The following NHSL2 variants were observed in gnomAD, a reference collection of about 807,000 sequenced individuals.
NHSL2 encodes the protein NHS like 2.
NHSL2 carries 27 observed loss-of-function variants against 53.4 expected under a neutral mutation model. That is an observed-to-expected ratio of 0.51 (90% confidence interval 0.37 to 0.70). The LOEUF (loss-of-function observed/expected upper bound fraction) is 0.70. Among genes scored for constraint, NHSL2 ranks in the 30% least tolerant of loss-of-function variants. NHSL2 has a pLI of 0.00. For missense variants in NHSL2, 892 were observed against 980.1 expected (o/e 0.91, Z 1.20); for synonymous variants, 408 against 404.1 (o/e 1.01, Z -0.12).
Position 72,132,193 on chromosome X carries a change from T to C in NHSL2, c.395T>C (p.Leu132Pro). ...SSGRPPSVEELLREAQLNLQS... is the reference protein window; with the variant it reads ...SSGRPPSVEEPLREAQLNLQS... ...GGCAGGCCCCCGAGTGTAGAGGAGC[T>C]GCTTCGGGAGGCGCAGCTCAATCTC... The change falls in exon 2 of 8, where the codon CTG (leucine) becomes CCG (proline). Residue 132 changes from leucine to proline, a missense_variant. Coordinates refer to ENST00000633930, the MANE Select transcript of NHSL2 (RefSeq NM_001013627.3). The C allele has an allele frequency of 1.7e-6, 2 of 1,165,745 alleles. No individual in the cohort carries two copies.
rs1556312494 is a variant in NHSL2 at position 71,964,067 on chromosome X, A to ATAT, written c.280+52713_280+52715dup. Among the ~76,000 whole-genome samples, 5 of 88,555 alleles carry ATAT rather than the reference A, an allele frequency of 5.6e-5. No homozygotes were observed. In the South Asian group the frequency reaches 2.7e-3, roughly 47 times the overall value. 76.9% of individuals were successfully genotyped at this position (88,555 alleles called of 115,157 possible). On this transcript the variant is annotated intron_variant, in intron 1 of 7. Transcript: ENST00000633930. ...TGTATATATATATATGTGTATATATATATTATTATTATTATACTTTAAGTT... is the reference window on the plus strand; with the variant it reads ...TGTATATATATATATGTGTATATATATATTATTATTATTATTATACTTTAAGTT...
In NHSL2 at chrX:71,971,263, C is replaced by T. The variant is rs757839722; in HGVS notation, c.280+59896C>T. Among the ~76,000 whole-genome samples, 16 of 111,745 alleles carry T rather than the reference C, an allele frequency of 1.4e-4. No homozygotes were observed. The South Asian group carries it at 4.4e-3, about 31-fold the overall frequency. On this transcript the variant is annotated intron_variant, in intron 1 of 7. Transcript: ENST00000633930. ...ACTTCAGATTTGTAGTAAGTTAATT[C>T]CAGTGAGACACAGAAACTTTATTTT...
intron 1 of NHSL2, among the ~76,000 whole-genome samples, chrX:71,972,234 C>T (rs993014937): frequency 9.0e-6 from 1 of 111,155 alleles, no homozygotes; most frequent in African/African-American, 3.3e-5. Flanking sequence ...GGGGTTTCAC[C>T]ATGTTGGCCA....
chrX:72,048,217 C>A (rs1189960049), intron 1 of NHSL2, among the ~76,000 whole-genome samples: 1 of 110,976 alleles, frequency 9.0e-6, no homozygotes, highest in Non-Finnish European at 1.9e-5. Flanking sequence ...ATACTATTTT[C>A]TCCCCCTAAT....
Position 72,016,648 on chromosome X carries a change from A to G in NHSL2, c.280+105281A>G, listed in dbSNP as rs376414621. ...GATGTTCAGGGGTCAAAGAACCCAC[A>G]TAACCCATCCCCAACACACACACAC... On this transcript the variant is annotated intron_variant, in intron 1 of 7. Transcript: ENST00000633930. Among the ~76,000 whole-genome samples, 37 of 110,867 alleles carry G rather than the reference A, an allele frequency of 3.3e-4. No individual in the cohort carries two copies. In the East Asian group the frequency reaches 4.8e-3, roughly 14 times the overall value.
intron 1 of NHSL2, among the ~76,000 whole-genome samples, chrX:71,976,982 A>T (rs1246971398): frequency 8.9e-6 from 1 of 112,553 alleles, no homozygotes; most frequent in East Asian, 2.8e-4. Context: ...TGAAGTCAGC[A>T]CAAGGGACTT....
intron 1 of NHSL2, among the ~76,000 whole-genome samples, chrX:71,999,135 C>T (rs779030860): frequency 8.9e-6 from 1 of 111,846 alleles, no homozygotes; most frequent in South Asian, 3.7e-4. Context: ...TTGACTTCCT[C>T]AGCCAGAATT....
intron 1 of NHSL2, 107 bp from the exon 2 acceptor site, chrX:72,131,972 C>T (rs973097745): frequency 7.7e-6 from 6 of 777,682 alleles, no homozygotes; most frequent in African/African-American, 4.2e-5. Flanking sequence ...GCACTCCCCC[C>T]ACCCCACGCA....
chrX:71,933,877 G>A (rs985507781), intron 1 of NHSL2, among the ~76,000 whole-genome samples: 8 of 111,275 alleles, frequency 7.2e-5, no homozygotes, highest in South Asian at 3.8e-4. Context: ...GAAATATTGC[G>A]TTGGCTTCAG....
At chrX:72,112,616 T>C (rs775896686) in intron 1 of NHSL2, among the ~76,000 whole-genome samples, 1 of 112,418 alleles carries the variant, frequency 8.9e-6, no homozygotes, top group Admixed American at 9.4e-5. Flanking sequence ...ATGTGTGGCC[T>C]TTTGTTGCTG....
Position 72,139,644 on chromosome X carries a change from T to G in NHSL2, c.2096T>G (p.Ile699Arg). ...QLSIEVEARE[I>R]SSPGRPPGLM... ...TCCATTGAAGTGGAGGCCAGGGAGA[T>G]ATCATCCCCGGGAAGGCCCCCTGGA... The change falls in exon 6 of 8, where the codon ATA becomes AGA. Residue 699 changes from isoleucine to arginine, a missense_variant. Transcript: ENST00000633930. 18 of 1,210,849 alleles carry G rather than the reference T, an allele frequency of 1.5e-5. No homozygotes were observed. The highest frequency in any genetic ancestry group is 2.0e-5 in the Non-Finnish European group (18 of 895,000).
chrX:71,968,126 A>G (rs978897981), intron 1 of NHSL2, among the ~76,000 whole-genome samples: 4 of 108,779 alleles, frequency 3.7e-5, no homozygotes, highest in African/African-American at 6.7e-5. Flanking sequence ...CCTCCCTAGT[A>G]TCTGGGACCA....
chrX:72,147,679 A>T lies in NHSL2; in HGVS notation c.*4105A>T, dbSNP rs2042474739. 8.9e-6 allele frequency: 1 copy of T among 111,950 alleles called. No individual in the cohort carries two copies. Among genetic ancestry groups the T allele is most frequent in the Non-Finnish European group, 1.9e-5 (1 of 53,221 alleles). The allele number at this position is 111,950 out of a possible 1,213,427, so 9.2% of individuals were successfully genotyped here. ...AGAGTGACTGAGTTGACGGTCTGTC[A>T]CCAGGATCCTCCCTCTCCTCTTTCT... On this transcript the variant is annotated 3_prime_UTR_variant, in exon 8 of 8. Coordinates refer to ENST00000633930, the MANE Select transcript of NHSL2 (RefSeq NM_001013627.3).
At chrX:72,038,723 C>T (rs997510665) in intron 1 of NHSL2, among the ~76,000 whole-genome samples, 1 of 111,492 alleles carries the variant, frequency 9.0e-6, no homozygotes, top group Non-Finnish European at 1.9e-5. Context: ...ACTGGCCAAG[C>T]AATAGAGATT....
intron 1 of NHSL2, among the ~76,000 whole-genome samples, chrX:72,105,510 G>A (rs1027972277): frequency 1.8e-5 from 2 of 111,795 alleles, no homozygotes; most frequent in Non-Finnish European, 3.8e-5. Flanking sequence ...AGATAAGTGG[G>A]ATGAGGTAGG....
intron 1 of NHSL2, 176 bp from the exon 2 acceptor site, chrX:72,131,903 A>C (rs1334395617): frequency 6.8e-6 from 3 of 438,743 alleles, no homozygotes. Context: ...GGACTGCGGC[A>C]GGATCTGTCG....
At chrX:72,132,675 C>A (rs2147514919) in intron 2 of NHSL2, among the ~76,000 whole-genome samples, 1 of 111,949 alleles carries the variant, frequency 8.9e-6, no homozygotes, top group Non-Finnish European at 1.9e-5. Flanking sequence ...CTTGCAATAA[C>A]CCCTGGATAG....
chrX:72,008,067 T>C lies in NHSL2; in HGVS notation c.280+96700T>C, dbSNP rs1043893382. Reference sequence around the variant, plus strand: ...GGTACTTTTGCTCCCAGGAGGTATTTCAAGCTGGAGGCTTTCAGCCTATGG... The same window carrying C: ...GGTACTTTTGCTCCCAGGAGGTATTCCAAGCTGGAGGCTTTCAGCCTATGG... On this transcript the variant is annotated intron_variant, in intron 1 of 7. Transcript: ENST00000633930. Among the ~76,000 whole-genome samples, 3 of 113,105 alleles carry C rather than the reference T, an allele frequency of 2.7e-5. No homozygotes were observed. The East Asian group carries it at 8.3e-4, about 31-fold the overall frequency.
At chrX:71,926,999 A>G (rs1038250341) in intron 1 of NHSL2, among the ~76,000 whole-genome samples, 17 of 111,697 alleles carry the variant, frequency 1.5e-4, no homozygotes, top group Non-Finnish European at 2.6e-4. Flanking sequence ...TAATTCTATA[A>G]AGGAGAGTGG....
Sources: allele counts gnomAD v4.1 joint callset (sites outside exome capture counted in the v4.1 genomes callset), GRCh38; gene constraint gnomAD v4.1.1; transcripts MANE v1.5; gene names NCBI Gene and HGNC (gene_info 2026-07-23, HGNC 2026-07-21).